Variants in COL9A1 observed in about 807,000 individuals in gnomAD.
COL9A1 encodes collagen type IX alpha 1 chain, also known as collagen alpha-1(IX) chain.
A neutral mutation model predicts 142.6 loss-of-function variants in COL9A1; 104 were observed. That is an observed-to-expected ratio of 0.73 (90% CI 0.62 to 0.86). COL9A1 has a LOEUF of 0.86. COL9A1 is among the 40% of genes least tolerant of loss of function. The pLI, the probability that COL9A1 is intolerant of heterozygous loss-of-function variation, is 0.00. For synonymous variants in COL9A1, 466 were observed against 396.0 expected (o/e 1.18, Z -2.10); for missense variants, 1,210 against 1,176.6 (o/e 1.03, Z -0.42).
intron 36 of COL9A1, among the ~76,000 whole-genome samples, chr6:70,229,332 T>A (rs1769407710): frequency 6.6e-6 from 1 of 152,142 alleles, no homozygotes; most frequent in Non-Finnish European, 1.5e-5. Context: ...TCCAGCTTTG[T>A]TAGCCTCCTC....
intron 16 of COL9A1, among the ~76,000 whole-genome samples, 156 bp from the exon 17 acceptor site, chr6:70,269,016 T>C (rs541479233): frequency 6.6e-6 from 1 of 152,354 alleles, no homozygotes; most frequent in East Asian, 1.9e-4. Context: ...CTTTCCTTTT[T>C]ATTATTATTA....
intron 10 of COL9A1, among the ~76,000 whole-genome samples, chr6:70,277,891 T>C (rs1207910391): frequency 1.3e-5 from 2 of 152,234 alleles, no homozygotes; most frequent in Non-Finnish European, 2.9e-5. Context: ...CAGGTTCACC[T>C]ACCAAGAAAG....
chr6:70,227,337 G>T (rs1367099388), intron 36 of COL9A1, among the ~76,000 whole-genome samples: 1 of 148,376 alleles, frequency 6.7e-6, no homozygotes, highest in Non-Finnish European at 1.5e-5. Flanking sequence ...ACATGAGCAG[G>T]CAGGCCACTA....
intron 20 of COL9A1, 109 bp downstream of exon 20, chr6:70,260,548 C>CAAA (rs34147259): frequency 1.4e-3 from 846 of 625,224 alleles, no homozygotes; most frequent in Non-Finnish European, 1.5e-3. Flanking sequence ...AACTCCATCT[C>CAAA]AAAAAAAAAA....
intron 10 of COL9A1, among the ~76,000 whole-genome samples, chr6:70,279,355 A>G (rs189856207): frequency 6.6e-6 from 1 of 152,342 alleles, no homozygotes; most frequent in African/African-American, 2.4e-5. Context: ...TACTATCTAA[A>G]TATTAGTCCT....
intron 35 of COL9A1, 90 bp downstream of exon 35, chr6:70,234,449 C>T: frequency 7.3e-7 from 1 of 1,370,612 alleles, no homozygotes; most frequent in Non-Finnish European, 1.0e-6. Flanking sequence ...CAAAAAGTCA[C>T]TCTTGTTTAC....
intron 14 of COL9A1, among the ~76,000 whole-genome samples, chr6:70,270,715 A>G (rs538078684): frequency 6.6e-6 from 1 of 152,216 alleles, no homozygotes; most frequent in Non-Finnish European, 1.5e-5. Flanking sequence ...AGAGCAACCT[A>G]TACTGCTAGT....
chr6:70,271,603 A>G, intron 14 of COL9A1, 52 bp downstream of exon 14: 2 of 1,553,204 alleles, frequency 1.3e-6, no homozygotes, highest in East Asian at 2.2e-5. Context: ...TTCCCAAATA[A>G]CATCTTCTAT....
At chr6:70,274,179 T>A in intron 11 of COL9A1, 97 bp from the exon 12 acceptor site, 4 of 945,636 alleles carry the variant, frequency 4.2e-6, no homozygotes, top group Non-Finnish European at 6.3e-6. Context: ...AACACCCCAT[T>A]ATGGTGTTTT....
At chr6:70,256,697 T>G in intron 21 of COL9A1, 71 bp downstream of exon 21, 1 of 1,253,550 alleles carries the variant, frequency 8.0e-7, no homozygotes, top group Non-Finnish European at 1.2e-6. Context: ...TAAACAATAC[T>G]GCACACACAT....
chr6:70,274,960 GT>G (rs756091063), intron 10 of COL9A1, 188 bp from the exon 11 acceptor site: 40 of 591,924 alleles, frequency 6.8e-5, no homozygotes, highest in Non-Finnish European at 1.1e-4. Flanking sequence ...TCTGCCTGTT[GT>G]GATTATTTCT....
In COL9A1 at chr6:70,296,686, C is replaced by A. The variant is rs370287335; in HGVS notation, c.300-2123G>T. Among the ~76,000 whole-genome samples, 52 of 152,184 alleles carry A rather than the reference C, an allele frequency of 3.4e-4. 2 individuals carry two copies. The highest frequency in any genetic ancestry group is 1.2e-3 in the African/African-American group (49 of 41,560). ...ATGGAAGTTTGTACATCTTACCTAACTTACCTCAATAAATTTGGAGCTGGG... is the reference window on the plus strand; with the variant it reads ...ATGGAAGTTTGTACATCTTACCTAAATTACCTCAATAAATTTGGAGCTGGG... On this transcript the variant is annotated intron_variant, in intron 4 of 37. Coordinates refer to ENST00000357250, the MANE Select transcript of COL9A1 (RefSeq NM_001851.6).
intron 36 of COL9A1, among the ~76,000 whole-genome samples, chr6:70,229,462 TA>T (rs1416846949): frequency 2.6e-5 from 4 of 152,198 alleles, no homozygotes; most frequent in Non-Finnish European, 4.4e-5. Context: ...CATTGCTCTA[TA>T]GTTGCTATTT....
intron 17 of COL9A1, among the ~76,000 whole-genome samples, chr6:70,267,713 C>T (rs185898568): frequency 3.5e-4 from 54 of 152,316 alleles, no homozygotes; most frequent in Non-Finnish European, 6.8e-4. Flanking sequence ...CTTTTCTTGT[C>T]AGGCCACTTG....
At position 70,217,971 on chromosome 6, in the gene COL9A1, T is replaced by C. The variant is rs1389339457; in HGVS notation, c.2582-890A>G. Among the ~76,000 whole-genome samples the C allele has an allele frequency of 3.3e-5, 5 of 152,132 alleles. No individual in the cohort carries two copies. The East Asian group carries it at 9.6e-4, about 29-fold the overall frequency. On this transcript the variant is annotated intron_variant, in intron 37 of 37. Coordinates refer to ENST00000357250, the MANE Select transcript of COL9A1 (RefSeq NM_001851.6). ...GCCTGGCCAAAATGGTGAAACCTCA[T>C]TTCTACTAAAAATACAAAAAAATTA...
chr6:70,249,576 G>T (rs1008713535), intron 28 of COL9A1, among the ~76,000 whole-genome samples: 2 of 152,136 alleles, frequency 1.3e-5, no homozygotes, highest in African/African-American at 4.8e-5. Context: ...TTGAAAAGAG[G>T]ACAGAACCAA....
rs1408595909 is a variant in COL9A1 at position 70,280,347 on chromosome 6, CT to C, written c.975+464del. 9.3e-6 allele frequency: 11 copies of C among 1,187,922 alleles called. No individual in the cohort carries two copies. In the African/African-American group the frequency reaches 1.6e-4, roughly 17 times the overall value. 73.6% of individuals were successfully genotyped at this position (1,187,922 alleles called of 1,614,324 possible). On this transcript the variant is annotated intron_variant, in intron 10 of 37. Coordinates refer to ENST00000357250, the MANE Select transcript of COL9A1 (RefSeq NM_001851.6). ...CTTGGGATTTAGGAGTGCTCTGGCC[CT>C]TTGCCTACCTGCAGGATCTTTTTCT...
At chr6:70,243,910 A>C (rs916319486) in intron 28 of COL9A1, among the ~76,000 whole-genome samples, 1 of 152,230 alleles carries the variant, frequency 6.6e-6, no homozygotes. Flanking sequence ...TGGAAGGTGC[A>C]TATAAAAATG....
intron 5 of COL9A1, among the ~76,000 whole-genome samples, chr6:70,291,719 G>A (rs1035541587): frequency 2.6e-5 from 4 of 152,100 alleles, no homozygotes; most frequent in Non-Finnish European, 5.9e-5. Context: ...AATTCTGAAG[G>A]AAAATCACAA....
Sources: gnomAD v4.1 joint callset for allele counts (sites outside exome capture counted in the v4.1 genomes callset) on GRCh38, gnomAD v4.1.1 for gene constraint, MANE v1.5 for transcripts, NCBI Gene and HGNC (gene_info 2026-07-23, HGNC 2026-07-21) for gene names.